Variants in CLBA1 observed in about 807,000 individuals in gnomAD.
CLBA1 encodes the protein uncharacterized protein CLBA1.
CLBA1 carries 30 observed loss-of-function variants against 28.8 expected under a neutral mutation model. The ratio of observed to expected loss-of-function variants is 1.04; its 90% CI spans 0.78 to 1.41. CLBA1 has a LOEUF of 1.41. Among genes scored for constraint, CLBA1 ranks in the 40% most tolerant of loss-of-function variants. The pLI, the probability that CLBA1 is intolerant of heterozygous loss-of-function variation, is 0.00. For synonymous variants in CLBA1, 160 were observed against 152.8 expected, an observed-to-expected ratio of 1.05 and a Z score of -0.35; for missense variants, 451 against 412.3, an observed-to-expected ratio of 1.09 and a Z score of -0.81.
Position 104,994,815 on chromosome 14 carries a change from T to A in CLBA1, c.*56T>A. The A allele has an allele frequency of 1.9e-6, 3 of 1,551,724 alleles. No homozygotes were observed. The South Asian group carries it at 3.7e-5, about 19-fold the overall frequency. ...ATTTTTCATTTTCTTCCTGGCTGGG[T>A]TGATGTGGAAACCAGAGCTGTCTGT... is the stretch of plus-strand genomic sequence containing the variant. On this transcript the variant is annotated 3_prime_UTR_variant, in exon 5 of 5. Transcript: ENST00000547315.
chr14:104,998,252 T>C (rs1002177952), downstream of CLBA1, among the ~76,000 whole-genome samples: 2 of 141,860 alleles, frequency 1.4e-5, no homozygotes, highest in African/African-American at 5.1e-5. Context: ...TACAAAAAAG[T>C]AAAAAAAAAA....
rs1299174592 is a variant in CLBA1 at position 104,995,464 on chromosome 14, A to G, written c.*705A>G. The G allele has an allele frequency of 3.0e-6, 3 of 985,348 alleles. No individual in the cohort carries two copies. The highest frequency in any genetic ancestry group is 3.6e-6 in the Non-Finnish European group (3 of 829,944). The allele number at this position is 985,348 out of a possible 1,614,324, so 61.0% of individuals were successfully genotyped here. On this transcript the variant is annotated 3_prime_UTR_variant, in exon 5 of 5. Coordinates refer to ENST00000547315, the MANE Select transcript of CLBA1 (RefSeq NM_174891.4). ...CTGTGCTCTTCGAAGGGCAGAGCCA[A>G]GAAGTCAGCCCTGACTTTTGTAAAA...
chr14:104,991,221 T>TC, intron 2 of CLBA1: 1 of 284,978 alleles, frequency 3.5e-6, no homozygotes, highest in Non-Finnish European at 6.8e-6. Context: ...AGACGGGGTT[T>TC]CACTATGTTG....
intron 2 of CLBA1, among the ~76,000 whole-genome samples, chr14:105,001,268 A>G (rs1446855429): frequency 6.6e-6 from 1 of 152,046 alleles, no homozygotes; most frequent in Non-Finnish European, 1.5e-5. Context: ...GGCCAAGGCA[A>G]GAGGATCACG....
In CLBA1 at chr14:104,986,705, G is replaced by A. The variant is rs1454948516; in HGVS notation, c.274G>A (p.Gly92Arg). 10 of 1,614,054 alleles carry A rather than the reference G, an allele frequency of 6.2e-6. No homozygotes were observed. The highest frequency in any genetic ancestry group is 8.5e-6 in the Non-Finnish European group (10 of 1,179,980). ...CTTTCGGGAATCTTCAGCCAAGTCT[G>A]GACAATTCTCACAGTCCCTTGAACT... ...EGFRESSAKS[G>R]QFSQSLELLE... Residue 92 changes from glycine (G) to arginine (R), a missense_variant, in exon 1 of 5, where the codon GGA becomes AGA. Physicochemically the swap from Gly to Arg is moderately radical, Grantham distance 125. Coordinates refer to ENST00000547315, the MANE Select transcript of CLBA1 (RefSeq NM_174891.4).
intron 3 of CLBA1, 40 bp from the exon 4 acceptor site, chr14:104,992,905 AATG>A: frequency 6.8e-7 from 1 of 1,473,582 alleles, no homozygotes; most frequent in African/African-American, 1.4e-5. Flanking sequence ...CAGGAGACAA[AATG>A]ATGACTGTAC....
chr14:104,992,092 C>T (rs1312225496), intron 3 of CLBA1, among the ~76,000 whole-genome samples: 1 of 148,358 alleles, frequency 6.7e-6, no homozygotes, highest in Non-Finnish European at 1.5e-5. Flanking sequence ...GCACATGCCT[C>T]ACACACCACC....
At chr14:104,991,738 T>G in intron 3 of CLBA1, 118 bp downstream of exon 3, 1 of 1,272,238 alleles carries the variant, frequency 7.9e-7, no homozygotes, top group South Asian at 1.4e-5. Flanking sequence ...TCAGGTGGGT[T>G]AAAGCCACTA....
chr14:104,986,330 C>T lies in CLBA1; in HGVS notation c.-102C>T, dbSNP rs1899853961. 16 of 1,285,038 alleles carry T rather than the reference C, an allele frequency of 1.2e-5. No homozygotes were observed. Among genetic ancestry groups the T allele is most frequent in the Non-Finnish European group, 1.6e-5 (15 of 942,752 alleles). The allele number at this position is 1,285,038 out of a possible 1,614,324, so 79.6% of individuals were successfully genotyped here. A position where few individuals can be genotyped will look rare whatever the true frequency, so the allele number is the denominator to read the frequency against. ...TCCTGCAGCGTCCCCTGGCCCTCTCCAGGGCAGGGGAAGGTTGGGCAGTCC... is the reference window on the plus strand; with the variant it reads ...TCCTGCAGCGTCCCCTGGCCCTCTCTAGGGCAGGGGAAGGTTGGGCAGTCC... On this transcript the variant is annotated 5_prime_UTR_variant, in exon 1 of 5. Transcript: ENST00000547315.
At chr14:104,989,428 C>T (rs994665272) in intron 2 of CLBA1, 2 of 395,982 alleles carry the variant, frequency 5.1e-6, no homozygotes, top group African/African-American at 4.1e-5. Flanking sequence ...GCAGTGGGCA[C>T]AGGGGCCTTC....
At position 104,986,490 on chromosome 14, in the gene CLBA1, C is replaced by G; in HGVS notation, c.59C>G (p.Ala20Gly). Residue 20 changes from alanine to glycine, a missense_variant, in exon 1 of 5, where the codon GCC (alanine) becomes GGC (glycine). Ala to Gly is a moderately conservative substitution (Grantham distance 60). Transcript: ENST00000547315. ...TTGAGTGACCTCCAGGAGGAAGCAG[C>G]CAGCGCTTCCCTCCGAGTGGCACCT... Reference protein sequence around the residue: ...EPLSDLQEEAASASLRVAPER... With the variant: ...EPLSDLQEEAGSASLRVAPER... The G allele has an allele frequency of 1.2e-6, 2 of 1,613,578 alleles. No homozygotes were observed. The highest frequency in any genetic ancestry group is 1.7e-5 in the Admixed American group (1 of 60,030).
chr14:104,995,547 G>A (rs1411321083), downstream of CLBA1: 5 of 973,288 alleles, frequency 5.1e-6, no homozygotes, highest in Non-Finnish European at 6.1e-6. Context: ...CAGCTGGGGG[G>A]ACTGATACCT....
Position 104,986,646 on chromosome 14 carries a change from G to C in CLBA1, c.215G>C (p.Gly72Ala). 1 of 1,613,902 alleles carries C rather than the reference G, an allele frequency of 6.2e-7. No homozygotes were observed. Among genetic ancestry groups the C allele is most frequent in the East Asian group, 2.2e-5 (1 of 44,840 alleles). The change falls in exon 1 of 5, where the codon GGG becomes GCG. Residue 72 changes from glycine to alanine, a missense_variant. Coordinates refer to ENST00000547315, the MANE Select transcript of CLBA1 (RefSeq NM_174891.4). ...TGCACTGCCCGATGTCCTGACCCTG[G>C]GGAACACAGCAGCACTTGGGGGGAG... is the stretch of plus-strand genomic sequence containing the variant. ...STCTARCPDP[G>A]EHSSTWGEFE...
At chr14:104,990,127 T>C (rs112465370) in intron 2 of CLBA1, 2,359 of 185,462 alleles carry the variant, frequency 0.013, 50 homozygotes, top group African/African-American at 0.051. Flanking sequence ...GGCTCTGTGC[T>C]GGCAGCATTG....
intron 3 of CLBA1, among the ~76,000 whole-genome samples, chr14:104,992,407 T>A (rs1306769473): frequency 3.9e-5 from 6 of 152,234 alleles, no homozygotes; most frequent in African/African-American, 1.2e-4. Flanking sequence ...TTATGGAAAT[T>A]TTCAAACATG....
chr14:104,992,173 C>T (rs1021406381), intron 3 of CLBA1, among the ~76,000 whole-genome samples: 4 of 149,420 alleles, frequency 2.7e-5, no homozygotes, highest in Non-Finnish European at 5.9e-5. Context: ...CACATGCCAC[C>T]ATGCACACAC....
chr14:104,989,141 G>A (rs1267735770), intron 2 of CLBA1, 53 bp downstream of exon 2: 7 of 1,564,300 alleles, frequency 4.5e-6, no homozygotes, highest in Non-Finnish European at 5.2e-6. Flanking sequence ...ACTTTTGTTT[G>A]ATAAAAGTAG....
At chr14:104,989,858 C>G in intron 2 of CLBA1, 1 of 384,452 alleles carries the variant, frequency 2.6e-6, no homozygotes, top group Non-Finnish European at 5.3e-6. Flanking sequence ...CTGAGCAGGC[C>G]TGGACTTTCA....
intron 3 of CLBA1, among the ~76,000 whole-genome samples, chr14:104,992,269 C>T (rs1182217385): frequency 3.9e-5 from 6 of 152,112 alleles, no homozygotes; most frequent in African/African-American, 9.7e-5. Context: ...CCACCACATG[C>T]GCCACTGCCA....
Sources: allele counts gnomAD v4.1 joint callset (sites outside exome capture counted in the v4.1 genomes callset), GRCh38; gene constraint gnomAD v4.1.1; transcripts MANE v1.5; gene names NCBI Gene and HGNC (gene_info 2026-07-23, HGNC 2026-07-21).